The following RGPD2 variants were observed in gnomAD, a reference collection of about 807,000 sequenced individuals.
RGPD2 encodes RANBP2 like and GRIP domain containing 2.
A neutral mutation model predicts 36.0 loss-of-function variants in RGPD2; 2 were observed. That is an observed-to-expected ratio of 0.06 (90% CI 0.02 to 0.17). The LOEUF (loss-of-function observed/expected upper bound fraction) is 0.17. RGPD2 is among the 10% of genes least tolerant of loss of function. The probability of loss-of-function intolerance (pLI) is 1.00; values close to 1 mark genes in which losing one functional copy is unlikely to be tolerated. For synonymous variants in RGPD2, 19 were observed against 163.8 expected (o/e 0.12, Z 6.75); for missense variants, 40 against 464.3 (o/e 0.09, Z 8.40).
chr2:87,857,425 C>G, the RGPD2 span, among the ~76,000 whole-genome samples: 4 of 151,644 alleles, frequency 2.6e-5, no homozygotes, highest in African/African-American at 9.7e-5. Context: ...TCACTGAAAG[C>G]TCTGCCTCCC....
chr2:87,844,338 T>C, the RGPD2 span, among the ~76,000 whole-genome samples: 7 of 150,564 alleles, frequency 4.6e-5, no homozygotes. Flanking sequence ...TAATAGTGTT[T>C]TGCAGTTATG....
the RGPD2 span, chr2:87,969,078 CAG>C: frequency 6.7e-6 from 1 of 149,258 alleles, no homozygotes; most frequent in Non-Finnish European, 1.4e-5. Context: ...TTTTTTGAGA[CAG>C]AGACTCGCTC....
intron 1 of RGPD2, among the ~76,000 whole-genome samples, chr2:87,825,408 G>A (rs1434682248): frequency 4.2e-5 from 5 of 117,664 alleles, no homozygotes; most frequent in Admixed American, 2.4e-4. Context: ...CGGCCAGGCC[G>A]AGGCCGAGGC....
chr2:87,831,838 T>G, the RGPD2 span, among the ~76,000 whole-genome samples: 1 of 151,460 alleles, frequency 6.6e-6, no homozygotes, highest in Non-Finnish European at 1.5e-5. Context: ...CAAGCTGAAA[T>G]CAATGATGAT....
chr2:87,879,475 C>G, the RGPD2 span, among the ~76,000 whole-genome samples: 1 of 139,938 alleles, frequency 7.1e-6, no homozygotes, highest in South Asian at 2.4e-4. Flanking sequence ...ACTGAGTACC[C>G]TTCCCAGCCT....
At chr2:87,903,245 A>T in the RGPD2 span, among the ~76,000 whole-genome samples, 1 of 140,860 alleles carries the variant, frequency 7.1e-6, no homozygotes, top group Non-Finnish European at 1.5e-5. Context: ...CCTTAAGTGG[A>T]GATGAAAACA....
At chr2:87,940,147 A>G in the RGPD2 span, among the ~76,000 whole-genome samples, 1 of 151,916 alleles carries the variant, frequency 6.6e-6, no homozygotes. Context: ...AAGACAAACA[A>G]AAACATAGCA....
the RGPD2 span, among the ~76,000 whole-genome samples, chr2:87,857,451 T>C: frequency 6.6e-6 from 1 of 151,624 alleles, no homozygotes; most frequent in Non-Finnish European, 1.5e-5. Flanking sequence ...CACGCCATTC[T>C]CCTGCCTCAG....
the RGPD2 span, among the ~76,000 whole-genome samples, chr2:87,961,172 T>A: frequency 6.6e-6 from 1 of 152,210 alleles, no homozygotes; most frequent in Non-Finnish European, 1.5e-5. Flanking sequence ...ACTATCCTAC[T>A]GATAAAAGTG....
At chr2:87,809,263 C>T (rs1686058220) in intron 6 of RGPD2, among the ~76,000 whole-genome samples, 1 of 149,816 alleles carries the variant, frequency 6.7e-6, no homozygotes, top group Non-Finnish European at 1.5e-5. Context: ...CGAGATGGCG[C>T]CACTGCACTC....
At chr2:87,853,885 C>A in the RGPD2 span, among the ~76,000 whole-genome samples, 10 of 152,184 alleles carry the variant, frequency 6.6e-5, no homozygotes, top group Non-Finnish European at 1.3e-4. Flanking sequence ...ATTTGTAGAG[C>A]AGATTGTTTC....
intron 1 of RGPD2, among the ~76,000 whole-genome samples, 165 bp downstream of exon 1, chr2:87,825,493 C>CGGCCGA (rs1187438680): frequency 1.9e-4 from 13 of 69,102 alleles, no homozygotes; most frequent in Non-Finnish European, 2.8e-4. Context: ...CGCCGCCGCC[C>CGGCCGA]GGCCGAGGCC....
At chr2:87,980,248 G>A in the RGPD2 span, among the ~76,000 whole-genome samples, 2 of 137,456 alleles carry the variant, frequency 1.5e-5, no homozygotes, top group Non-Finnish European at 3.2e-5. Flanking sequence ...CTATTCAGGA[G>A]GCTGAGACAG....
chr2:87,920,989 T>C, the RGPD2 span, among the ~76,000 whole-genome samples: 1 of 148,790 alleles, frequency 6.7e-6, no homozygotes, highest in Admixed American at 6.8e-5. Context: ...TCTATCTCCT[T>C]ATGATAGTTA....
At chr2:87,962,561 TG>T in the RGPD2 span, among the ~76,000 whole-genome samples, 6 of 151,830 alleles carry the variant, frequency 4.0e-5, no homozygotes, top group Non-Finnish European at 8.8e-5. Context: ...TAGTTTGGAG[TG>T]GAAAATCCTA....
At chr2:87,913,425 G>C in the RGPD2 span, among the ~76,000 whole-genome samples, 1 of 151,792 alleles carries the variant, frequency 6.6e-6, no homozygotes, top group Non-Finnish European at 1.5e-5. Flanking sequence ...GATAGCATTG[G>C]GAGATATACC....
chr2:87,809,845 C>G (rs1686106344), intron 6 of RGPD2, among the ~76,000 whole-genome samples: 1 of 141,262 alleles, frequency 7.1e-6, no homozygotes, highest in Non-Finnish European at 1.6e-5. Flanking sequence ...AAGGGCTGTC[C>G]TCAGGGCCCT....
the RGPD2 span, among the ~76,000 whole-genome samples, chr2:87,883,373 A>C: frequency 1.3e-5 from 2 of 152,136 alleles, no homozygotes; most frequent in South Asian, 4.1e-4. Context: ...TCAAACATCA[A>C]AGCAAAAAAG....
At chr2:87,923,348 C>T in the RGPD2 span, among the ~76,000 whole-genome samples, 16 of 152,034 alleles carry the variant, frequency 1.1e-4, no homozygotes, top group Non-Finnish European at 1.5e-4. Flanking sequence ...CAATTGAATG[C>T]ATTTGTAATT....
Sources: gnomAD v4.1 joint callset for allele counts (sites outside exome capture counted in the v4.1 genomes callset) on GRCh38, gnomAD v4.1.1 for gene constraint, MANE v1.5 for transcripts, NCBI Gene and HGNC (gene_info 2026-07-23, HGNC 2026-07-21) for gene names.